The following FGGY variants were observed in gnomAD, a reference collection of about 807,000 sequenced individuals.
The protein encoded by FGGY is FGGY carbohydrate kinase domain containing, also known as FGGY carbohydrate kinase domain-containing protein.
In FGGY, 72 loss-of-function variants were observed where a neutral mutation model predicts 71.3. The ratio of observed to expected loss-of-function variants is 1.01; its 90% CI spans 0.84 to 1.23. The LOEUF (loss-of-function observed/expected upper bound fraction) is 1.23. FGGY is among the 50% of genes most tolerant of loss of function. The pLI is 0.00. For missense variants in FGGY, 668 were observed against 682.3 expected (o/e 0.98, Z 0.23); for synonymous variants, 251 against 250.3 (o/e 1.00, Z -0.02).
At chr1:59,680,915 A>C (rs2153986967) in intron 14 of FGGY, 1 of 152,300 alleles carries the variant, frequency 6.6e-6, no homozygotes, top group South Asian at 2.1e-4. Flanking sequence ...ACCTCTCACA[A>C]GGTGGTATCG....
chr1:59,490,628 T>C (rs1317407473), intron 6 of FGGY, among the ~76,000 whole-genome samples: 1 of 152,194 alleles, frequency 6.6e-6, no homozygotes, highest in Admixed American at 6.5e-5. Context: ...CCCTATGTTT[T>C]CTTCTAGTAG....
intron 6 of FGGY, among the ~76,000 whole-genome samples, chr1:59,497,242 A>G (rs1043755537): frequency 1.3e-5 from 2 of 152,192 alleles, no homozygotes; most frequent in African/African-American, 4.8e-5. Context: ...AAGAGGAAAA[A>G]AAGTGCTTGA....
intron 5 of FGGY, among the ~76,000 whole-genome samples, chr1:59,426,963 T>C (rs199969236): frequency 1.0e-5 from 1 of 95,648 alleles, no homozygotes; most frequent in South Asian, 2.9e-4. Flanking sequence ...TTTTGAAACC[T>C]TTTTCAGAGG....
At chr1:59,446,712 A>C (rs1354671253) in intron 5 of FGGY, among the ~76,000 whole-genome samples, 3 of 152,182 alleles carry the variant, frequency 2.0e-5, no homozygotes, top group Admixed American at 2.0e-4. Flanking sequence ...GCAGCCAGGA[A>C]TATCTTGGTA....
At chr1:59,486,423 A>T (rs1431091333) in intron 6 of FGGY, among the ~76,000 whole-genome samples, 1 of 152,158 alleles carries the variant, frequency 6.6e-6, no homozygotes, top group Non-Finnish European at 1.5e-5. Context: ...CATCTAAAGG[A>T]TTCAGGGACA....
At chr1:59,663,691 G>A (rs1232931672) in intron 12 of FGGY, among the ~76,000 whole-genome samples, 2 of 152,044 alleles carry the variant, frequency 1.3e-5, no homozygotes, top group African/African-American at 4.8e-5. Flanking sequence ...TTTTCAATAA[G>A]CCTTTTTTGT....
At chr1:59,433,476 G>A (rs142099779) in intron 5 of FGGY, among the ~76,000 whole-genome samples, 1 of 152,154 alleles carries the variant, frequency 6.6e-6, no homozygotes, top group African/African-American at 2.4e-5. Flanking sequence ...GGTGGTGGCT[G>A]CAATGATCTC....
chr1:59,420,862 C>T (rs766382344), intron 5 of FGGY, among the ~76,000 whole-genome samples: 1 of 151,472 alleles, frequency 6.6e-6, no homozygotes, highest in Non-Finnish European at 1.5e-5. Context: ...AAATTCACTC[C>T]CAAATGCCCG....
intron 14 of FGGY, among the ~76,000 whole-genome samples, chr1:59,717,732 G>A (rs12077102): frequency 5.3e-5 from 8 of 152,202 alleles, no homozygotes; most frequent in African/African-American, 1.2e-4. Flanking sequence ...CTAGTCTCAC[G>A]GCTACTGGCA....
rs1370208565 is a variant in FGGY, at chr1:59,432,602, T to C, written c.555-24359T>C. ...ATTGTCATGAGTATGCAGAAAAAAG[T>C]TTTTCCCCTTTAGTGGCAGTTTCCA... On this transcript the variant is annotated intron_variant, in intron 5 of 15. Coordinates refer to ENST00000303721, the MANE Select transcript of FGGY (RefSeq NM_018291.5). Among the ~76,000 whole-genome samples the C allele has an allele frequency of 3.3e-5, 5 of 152,270 alleles. No individual in the cohort carries two copies. The East Asian group carries it at 5.8e-4, about 18-fold the overall frequency.
chr1:59,360,910 G>A (rs2055379123), intron 4 of FGGY, among the ~76,000 whole-genome samples: 1 of 152,138 alleles, frequency 6.6e-6, no homozygotes, highest in African/African-American at 2.4e-5. Flanking sequence ...TACTGAGTGG[G>A]TAGAGCTGGG....
intron 9 of FGGY, among the ~76,000 whole-genome samples, chr1:59,608,961 T>G (rs921308357): frequency 6.6e-6 from 1 of 152,174 alleles, no homozygotes; most frequent in African/African-American, 2.4e-5. Context: ...AGAGAGAAGA[T>G]TCATAAAAGT....
intron 7 of FGGY, among the ~76,000 whole-genome samples, chr1:59,547,099 C>T (rs1003696103): frequency 6.6e-5 from 10 of 151,810 alleles, no homozygotes; most frequent in East Asian, 3.9e-4. Context: ...ACTACAGGCG[C>T]GTGCCACCAT....
At chr1:59,604,626 T>C (rs1485162388) in intron 8 of FGGY, among the ~76,000 whole-genome samples, 1 of 152,218 alleles carries the variant, frequency 6.6e-6, no homozygotes, top group East Asian at 1.9e-4. Context: ...AGGTGAAGTG[T>C]ATCCTTCCTA....
In FGGY at chr1:59,545,531, A is replaced by G. The variant is rs190477232; in HGVS notation, c.800-8593A>G. Among the ~76,000 whole-genome samples, 42 of 152,302 alleles carry G rather than the reference A, an allele frequency of 2.8e-4. No individual in the cohort carries two copies. The East Asian group carries it at 7.3e-3, about 27-fold the overall frequency. ...ATCTAGAGGCTGTGTTGAAGTTAGG[A>G]AGAAAGGAATTTCTGACATCAAGTT... On this transcript the variant is annotated intron_variant, in intron 7 of 15. Coordinates refer to ENST00000303721, the MANE Select transcript of FGGY (RefSeq NM_018291.5).
At chr1:59,623,002 T>G (rs114258418) in intron 9 of FGGY, among the ~76,000 whole-genome samples, 5,649 of 152,228 alleles carry the variant, frequency 0.037, 210 homozygotes, top group African/African-American at 0.098. Context: ...CTCTAGGCAC[T>G]GAGGAGTGGA....
chr1:59,300,294 G>A (rs984085332), intron 1 of FGGY, among the ~76,000 whole-genome samples: 2 of 152,112 alleles, frequency 1.3e-5, no homozygotes, highest in African/African-American at 4.8e-5. Flanking sequence ...ACCCCCTAAG[G>A]TAAAGTATGT....
chr1:59,321,594 G>A lies in FGGY; in HGVS notation c.45G>A (p.Val15=), dbSNP rs1186771618. 1 of 1,613,958 alleles carries A rather than the reference G, an allele frequency of 6.2e-7. No homozygotes were observed. The highest frequency in any genetic ancestry group is 1.1e-5 in the South Asian group (1 of 91,056). The change falls in exon 2 of 16, where the codon GTG becomes GTA. Residue 15 remains valine, a synonymous_variant. Transcript: ENST00000303721. ...EQKPERYYVG[V]DVGTGSVRAA... ...AACCAGAGAGGTACTATGTGGGTGTGGACGTTGGAACAGGCAGTGTCCGTG... is the reference window on the plus strand; with the variant it reads ...AACCAGAGAGGTACTATGTGGGTGTAGACGTTGGAACAGGCAGTGTCCGTG...
At chr1:59,649,052 A>G (rs545520630) in intron 11 of FGGY, among the ~76,000 whole-genome samples, 1 of 151,792 alleles carries the variant, frequency 6.6e-6, no homozygotes, top group East Asian at 1.9e-4. Context: ...CAAAGATCAG[A>G]TAGTTTTAGG....
Sources: gnomAD v4.1 joint callset for allele counts (sites outside exome capture counted in the v4.1 genomes callset) on GRCh38, gnomAD v4.1.1 for gene constraint, MANE v1.5 for transcripts, NCBI Gene and HGNC (gene_info 2026-07-23, HGNC 2026-07-21) for gene names.